DRC11: variants seen among roughly 807,000 people sequenced by gnomAD.
DRC11 encodes IQ and AAA domain-containing protein 1.
At chr2:236,336,991 C>A in the DRC11 span, among the ~76,000 whole-genome samples, 6,122 of 152,262 alleles carry the variant, frequency 0.04, 173 homozygotes, top group Non-Finnish European at 0.063. This position sits in a 1 kb window ranked among gnomAD's most constrained non-coding sequence, Gnocchi z 7.3. Context: ...ATGAGATAAC[C>A]CGTCGTGGGA....
the DRC11 span, among the ~76,000 whole-genome samples, chr2:236,455,726 G>A: frequency 6.6e-6 from 1 of 152,172 alleles, no homozygotes; most frequent in Non-Finnish European, 1.5e-5. The surrounding 1 kb of genome is among the most constrained non-coding windows in gnomAD (Gnocchi z 5.7). Flanking sequence ...ACTGAAAGGG[G>A]AGAATTTTAC....
the DRC11 span, among the ~76,000 whole-genome samples, chr2:236,339,442 T>C: frequency 6.6e-6 from 1 of 152,252 alleles, no homozygotes; most frequent in South Asian, 2.1e-4. Context: ...ATTTTCTTTT[T>C]GTGGCCTGTA....
chr2:236,399,525 A>G, the DRC11 span: 1 of 1,546,102 alleles, frequency 6.5e-7, no homozygotes, highest in Non-Finnish European at 8.9e-7. The surrounding 1 kb of genome is among the most constrained non-coding windows in gnomAD (Gnocchi z 7.0). Context: ...ATCTCAGGCA[A>G]GACCGGGCAG....
chr2:236,406,993 C>T, the DRC11 span, among the ~76,000 whole-genome samples: 2 of 152,312 alleles, frequency 1.3e-5, no homozygotes, highest in South Asian at 4.1e-4. This position sits in a 1 kb window ranked among gnomAD's most constrained non-coding sequence, Gnocchi z 4.7. Flanking sequence ...GATCCGCCTG[C>T]CTCGGCCTCC....
the DRC11 span, among the ~76,000 whole-genome samples, chr2:236,396,302 CG>C: frequency 0.013 from 796 of 60,300 alleles, 10 homozygotes; most frequent in African/African-American, 0.04. Context: ...GAAAGAGGGG[CG>C]GGGGGGGGTT....
At chr2:236,315,747 G>A in the DRC11 span, among the ~76,000 whole-genome samples, 2 of 152,078 alleles carry the variant, frequency 1.3e-5, no homozygotes, top group Non-Finnish European at 2.9e-5. The surrounding 1 kb of genome is among the most constrained non-coding windows in gnomAD (Gnocchi z 5.1). Context: ...GCAAACTAAC[G>A]CAGGAACAGA....
the DRC11 span, among the ~76,000 whole-genome samples, chr2:236,415,648 C>A: frequency 2.0e-5 from 3 of 152,164 alleles, no homozygotes; most frequent in Admixed American, 2.0e-4. The surrounding 1 kb of genome is among the most constrained non-coding windows in gnomAD (Gnocchi z 5.7). Context: ...GGCGTTTCCC[C>A]TTCATTTGCA....
At chr2:236,432,637 T>C in the DRC11 span, among the ~76,000 whole-genome samples, 1 of 152,160 alleles carries the variant, frequency 6.6e-6, no homozygotes, top group Admixed American at 6.5e-5. Flanking sequence ...CTGTAGGAGT[T>C]CCTTACATAT....
At chr2:236,437,825 G>A in the DRC11 span, among the ~76,000 whole-genome samples, 208 of 147,564 alleles carry the variant, frequency 1.4e-3, 2 homozygotes, top group African/African-American at 5.0e-3. Context: ...TGAGTTCATT[G>A]TAGATTCTGG....
At chr2:236,353,811 G>A in the DRC11 span, among the ~76,000 whole-genome samples, 1 of 152,020 alleles carries the variant, frequency 6.6e-6, no homozygotes, top group Non-Finnish European at 1.5e-5. The surrounding 1 kb of genome is among the most constrained non-coding windows in gnomAD (Gnocchi z 5.0). Flanking sequence ...AGGGGTTAGG[G>A]AGGGTGCAGG....
chr2:236,405,602 C>T, the DRC11 span, among the ~76,000 whole-genome samples: 1 of 151,928 alleles, frequency 6.6e-6, no homozygotes, highest in Non-Finnish European at 1.5e-5. The surrounding 1 kb of genome is among the most constrained non-coding windows in gnomAD (Gnocchi z 4.6). Context: ...CTTCATGGCC[C>T]AATCAGTTAT....
At chr2:236,403,147 G>C in the DRC11 span, among the ~76,000 whole-genome samples, 21 of 152,054 alleles carry the variant, frequency 1.4e-4, no homozygotes, top group South Asian at 2.9e-3. Flanking sequence ...GAGGGGGAGG[G>C]CTCCAGGGAA....
At chr2:236,495,755 G>C in the DRC11 span, among the ~76,000 whole-genome samples, 2 of 152,184 alleles carry the variant, frequency 1.3e-5, no homozygotes, top group African/African-American at 4.8e-5. This position sits in a 1 kb window ranked among gnomAD's most constrained non-coding sequence, Gnocchi z 5.6. Context: ...GGGATTCAGT[G>C]ACAGCACATG....
the DRC11 span, among the ~76,000 whole-genome samples, chr2:236,318,823 C>T: frequency 5.9e-5 from 9 of 152,258 alleles, no homozygotes; most frequent in African/African-American, 1.2e-4. This position sits in a 1 kb window ranked among gnomAD's most constrained non-coding sequence, Gnocchi z 7.0. Flanking sequence ...CCCAGCCCAG[C>T]GAGCTTTCCA....
chr2:236,344,414 A>C, the DRC11 span: 1 of 622,212 alleles, frequency 1.6e-6, no homozygotes, highest in Non-Finnish European at 2.9e-6. Flanking sequence ...CAGTTAGGGC[A>C]GACAGAGACC....
chr2:236,460,562 CCTTT>C, the DRC11 span, among the ~76,000 whole-genome samples: 4 of 152,136 alleles, frequency 2.6e-5, no homozygotes, highest in South Asian at 4.2e-4. The surrounding 1 kb of genome is among the most constrained non-coding windows in gnomAD (Gnocchi z 4.0). Context: ...AAATAGATGG[CCTTT>C]CTTTGTCCTC....
At chr2:236,308,850 A>G in the DRC11 span, among the ~76,000 whole-genome samples, 3 of 152,254 alleles carry the variant, frequency 2.0e-5, no homozygotes. The surrounding 1 kb of genome is among the most constrained non-coding windows in gnomAD (Gnocchi z 6.0). Context: ...ACTGTGCCCC[A>G]TAAATATGCA....
chr2:236,364,648 G>T, the DRC11 span, among the ~76,000 whole-genome samples: 1 of 152,258 alleles, frequency 6.6e-6, no homozygotes, highest in Admixed American at 6.5e-5. Flanking sequence ...GGGGCCTCAG[G>T]TGTGGGTATT....
chr2:236,459,194 G>A, the DRC11 span, among the ~76,000 whole-genome samples: 1 of 152,072 alleles, frequency 6.6e-6, no homozygotes, highest in South Asian at 2.1e-4. Flanking sequence ...ATAAATGACT[G>A]GGCATTTTAC....
Sources: gnomAD v4.1 joint callset for allele counts (sites outside exome capture counted in the v4.1 genomes callset) on GRCh38, gnomAD v4.1.1 for gene constraint, Gnocchi (gnomAD v3.1) non-coding constraint, MANE v1.5 for transcripts, NCBI Gene and HGNC (gene_info 2026-07-23, HGNC 2026-07-21) for gene names.